Variants in BDH1 observed in about 807,000 individuals in gnomAD.
BDH1 encodes the protein D-beta-hydroxybutyrate dehydrogenase, mitochondrial.
Under a neutral mutation model 33.1 loss-of-function variants are expected in BDH1, and 30 were observed. The observed-to-expected ratio is 0.91, with a 90% CI of 0.68 to 1.23. The LOEUF (loss-of-function observed/expected upper bound fraction) is 1.23. Ranked by LOEUF, BDH1 falls within the 50% of genes most tolerant of loss-of-function variation. The pLI is 0.00. For missense variants in BDH1, 443 were observed against 464.4 expected (o/e 0.95, Z 0.42); for synonymous variants, 190 against 183.6 (o/e 1.03, Z -0.28).
chr3:197,517,465 T>G (rs1196352927), intron 6 of BDH1, among the ~76,000 whole-genome samples: 4 of 23,726 alleles, frequency 1.7e-4, no homozygotes, highest in African/African-American at 3.1e-4. Flanking sequence ...GCCGACCCCC[T>G]CATCAGTCAT....
Position 197,514,116 on chromosome 3 carries a change from C to T in BDH1, c.562+148G>A. On this transcript the variant is annotated intron_variant, in intron 7 of 7. Coordinates refer to ENST00000392379, the MANE Select transcript of BDH1 (RefSeq NM_203314.3). The surrounding 1 kb of genome is among the most constrained non-coding windows in gnomAD (Gnocchi z 4.2). Reference sequence around the variant, plus strand: ...CACAGCCCCTCTGCCCACCATCACCCCAGGCCCAGCATAGTCCCTGGGATT... The same window carrying T: ...CACAGCCCCTCTGCCCACCATCACCTCAGGCCCAGCATAGTCCCTGGGATT... The T allele has an allele frequency of 8.9e-7, 1 of 1,128,506 alleles. No homozygotes were observed. Among genetic ancestry groups the T allele is most frequent in the Non-Finnish European group, 1.2e-6 (1 of 821,984 alleles). 69.9% of individuals were successfully genotyped at this position (1,128,506 alleles called of 1,614,324 possible).
At chr3:197,538,318 C>T (rs1233404466) in intron 3 of BDH1, 3 of 456,208 alleles carry the variant, frequency 6.6e-6, no homozygotes, top group African/African-American at 6.0e-5. Context: ...TTTCTGTATA[C>T]CATTTGACGC....
chr3:197,546,710 C>G (rs1263311065), intron 2 of BDH1, among the ~76,000 whole-genome samples: 1 of 152,182 alleles, frequency 6.6e-6, no homozygotes, highest in Non-Finnish European at 1.5e-5. Context: ...GGTTCTGGCT[C>G]TAGCTGTGCC....
At chr3:197,568,900 A>G (rs992828673) in intron 1 of BDH1, among the ~76,000 whole-genome samples, 1 of 152,216 alleles carries the variant, frequency 6.6e-6, no homozygotes, top group Non-Finnish European at 1.5e-5. Flanking sequence ...ATCATAAATC[A>G]ATGCAGGCTC....
chr3:197,523,736 G>A lies in BDH1; in HGVS notation c.268-955C>T, dbSNP rs987615505. Among the ~76,000 whole-genome samples, 2 of 152,190 alleles carry A rather than the reference G, an allele frequency of 1.3e-5. No individual in the cohort carries two copies. Among genetic ancestry groups the A allele is most frequent in the Admixed American group, 6.5e-5 (1 of 15,280 alleles). ...GACTGTGTGCTGTATGGAACCTGGCGGGAGGTGGGAGGGGCACAGGAGGGA... is the reference window on the plus strand; with the variant it reads ...GACTGTGTGCTGTATGGAACCTGGCAGGAGGTGGGAGGGGCACAGGAGGGA... On this transcript the variant is annotated intron_variant, in intron 5 of 7. Coordinates refer to ENST00000392379, the MANE Select transcript of BDH1 (RefSeq NM_203314.3). The surrounding 1 kb of genome is among the most constrained non-coding windows in gnomAD (Gnocchi z 4.5).
chr3:197,549,456 G>C (rs1489645047), intron 2 of BDH1, among the ~76,000 whole-genome samples: 1 of 152,240 alleles, frequency 6.6e-6, no homozygotes, highest in East Asian at 1.9e-4. Flanking sequence ...TTTCCTGTGA[G>C]GCAGCAGCAG....
At position 197,539,602 on chromosome 3, in the gene BDH1, C is replaced by A. The variant is rs1223388760; in HGVS notation, c.84-6041G>T. 1.8e-4 allele frequency among the ~76,000 whole-genome samples: 28 copies of A among 152,242 alleles called. 1 individual carries two copies. The highest frequency in any genetic ancestry group is 1.8e-3 in the Admixed American group (28 of 15,286). On this transcript the variant is annotated intron_variant, in intron 3 of 7. Coordinates refer to ENST00000392379, the MANE Select transcript of BDH1 (RefSeq NM_203314.3). Reference sequence around the variant, plus strand: ...GCAGCTAGAGGCTACAAGATTCTGACCCTCCCTACACTGCTCCTAAGATCA... The same window carrying A: ...GCAGCTAGAGGCTACAAGATTCTGAACCTCCCTACACTGCTCCTAAGATCA...
chr3:197,553,195 G>T (rs1364586474), intron 2 of BDH1, among the ~76,000 whole-genome samples: 1 of 150,664 alleles, frequency 6.6e-6, no homozygotes, highest in Non-Finnish European at 1.5e-5. Context: ...TGAGATTACA[G>T]GTGTGTGCCA....
At chr3:197,539,296 C>T (rs986009045) in intron 3 of BDH1, among the ~76,000 whole-genome samples, 2 of 152,116 alleles carry the variant, frequency 1.3e-5, no homozygotes, top group African/African-American at 2.4e-5. Context: ...CCCACCACCA[C>T]GCCTGGCTAA....
chr3:197,559,739 T>C (rs533415340), upstream of BDH1, among the ~76,000 whole-genome samples: 28 of 152,360 alleles, frequency 1.8e-4, no homozygotes, highest in African/African-American at 5.3e-4. Flanking sequence ...CTGACACAGA[T>C]AGTAGCAAGA....
intron 6 of BDH1, among the ~76,000 whole-genome samples, chr3:197,517,218 C>T (rs1442352395): frequency 4.6e-5 from 7 of 151,410 alleles, no homozygotes; most frequent in Admixed American, 4.6e-4. Context: ...TCACTTCCTG[C>T]TCTATGGTCT....
chr3:197,544,558 T>C (rs182381672), intron 3 of BDH1, among the ~76,000 whole-genome samples: 4 of 152,354 alleles, frequency 2.6e-5, no homozygotes, highest in Admixed American at 1.3e-4. Flanking sequence ...GCAAGTCACC[T>C]TCTTTCAAAA....
upstream of BDH1, among the ~76,000 whole-genome samples, chr3:197,558,867 C>T (rs1460759287): frequency 1.3e-5 from 2 of 152,168 alleles, no homozygotes; most frequent in Non-Finnish European, 1.5e-5. Flanking sequence ...AGAGACCTCA[C>T]GTATCTTCAT....
Position 197,523,215 on chromosome 3 carries a change from C to A in BDH1, c.268-434G>T. 6.1e-6 allele frequency: 1 copy of A among 162,658 alleles called. No homozygotes were observed. The highest frequency in any genetic ancestry group is 1.3e-5 in the Non-Finnish European group (1 of 75,808). The allele number at this position is 162,658 out of a possible 1,614,324, so 10.1% of individuals were successfully genotyped here. On this transcript the variant is annotated intron_variant, in intron 5 of 7. Coordinates refer to ENST00000392379, the MANE Select transcript of BDH1 (RefSeq NM_203314.3). This position sits in a 1 kb window ranked among gnomAD's most constrained non-coding sequence, Gnocchi z 4.5. ...TTCTTTTAAGTGTTGGCAACTTACA[C>A]ACATTTAAAAAAAAAAACAAAAAAA... is the stretch of plus-strand genomic sequence containing the variant.
At chr3:197,531,585 G>A (rs558738157) in intron 5 of BDH1, among the ~76,000 whole-genome samples, 1 of 151,974 alleles carries the variant, frequency 6.6e-6, no homozygotes, top group South Asian at 2.1e-4. Context: ...AAGAAGTGTG[G>A]CACAAAAGGC....
At chr3:197,545,682 T>A (rs111625493) in intron 3 of BDH1, among the ~76,000 whole-genome samples, 121 of 152,386 alleles carry the variant, frequency 7.9e-4, no homozygotes, top group Admixed American at 2.8e-3. Flanking sequence ...TAGTTAATAG[T>A]ATTCTATCAA....
intron 1 of BDH1, among the ~76,000 whole-genome samples, chr3:197,564,559 G>A (rs750024172): frequency 2.0e-5 from 3 of 151,968 alleles, no homozygotes; most frequent in Non-Finnish European, 2.9e-5. Flanking sequence ...CTTTAGTCTC[G>A]GTAGAAAATG....
At chr3:197,564,388 ATTAAATTTTT>A (rs1260385212) in intron 1 of BDH1, among the ~76,000 whole-genome samples, 1 of 149,824 alleles carries the variant, frequency 6.7e-6, no homozygotes, top group Non-Finnish European at 1.5e-5. Flanking sequence ...AAAAACTGAG[ATTAAATTTTT>A]TTTTTAAGTT....
intron 3 of BDH1, among the ~76,000 whole-genome samples, chr3:197,535,751 GT>G (rs1715101804): frequency 6.6e-6 from 1 of 152,138 alleles, no homozygotes; most frequent in Non-Finnish European, 1.5e-5. Context: ...TTTTCTAAAA[GT>G]TTTATAGTTT....
Sources: allele counts gnomAD v4.1 joint callset (sites outside exome capture counted in the v4.1 genomes callset), GRCh38; gene constraint gnomAD v4.1.1; non-coding constraint Gnocchi (gnomAD v3.1); transcripts MANE v1.5; gene names NCBI Gene and HGNC (gene_info 2026-07-23, HGNC 2026-07-21).